Variants in C10orf90 observed in about 807,000 individuals in gnomAD.
C10orf90 encodes the protein (E2-independent) E3 ubiquitin-conjugating enzyme FATS.
C10orf90 carries 56 observed loss-of-function variants against 62.5 expected under a neutral mutation model. The observed-to-expected ratio is 0.90, with a 90% CI of 0.72 to 1.12. C10orf90 has a LOEUF of 1.12. C10orf90 is among the 50% of genes most tolerant of loss of function. The probability of loss-of-function intolerance (pLI) is 0.00; values close to 1 mark genes in which losing one functional copy is unlikely to be tolerated. For synonymous variants in C10orf90, 386 were observed against 340.4 expected (o/e 1.13, Z -1.47); for missense variants, 970 against 880.4 (o/e 1.10, Z -1.29).
chr10:126,444,804 G>A (rs2134041331), intron 7 of C10orf90, among the ~76,000 whole-genome samples: 1 of 152,030 alleles, frequency 6.6e-6, no homozygotes, highest in East Asian at 1.9e-4. Flanking sequence ...AAACAGCATG[G>A]TACTGGTATA....
At chr10:126,561,680 A>G (rs111839982) in intron 2 of C10orf90, among the ~76,000 whole-genome samples, 1,720 of 152,180 alleles carry the variant, frequency 0.011, 52 homozygotes, top group African/African-American at 0.04. Context: ...CAAATTAAAC[A>G]AGGGACTCTC....
rs1564811005 is a variant in C10orf90, at chr10:126,464,780, GA to G, written c.1740del (p.Pro581LeufsTer22). 6.8e-6 allele frequency: 11 copies of G among 1,613,914 alleles called. No individual in the cohort carries two copies. The highest frequency in any genetic ancestry group is 8.5e-6 in the Non-Finnish European group (10 of 1,179,982). ...HQSFLKPRIL[F>X]PGFLCPLQDV... ...TCTTGTAAGGGGCAAAGAAACCCAG[GA>G]AAAAGGATTCTGGGTTTCAGGAAGC... On this transcript the variant is annotated frameshift_variant, in exon 5 of 10. Coordinates refer to ENST00000488181, the MANE Select transcript of C10orf90 (RefSeq NM_001350921.2). LOFTEE classifies it high-confidence loss of function.
chr10:126,442,017 A>G (rs1378189771), intron 7 of C10orf90, among the ~76,000 whole-genome samples: 1 of 152,170 alleles, frequency 6.6e-6, no homozygotes. Flanking sequence ...GTACATAGGC[A>G]ATAAACAGCA....
chr10:126,597,777 T>G (rs1024628236), intron 2 of C10orf90, among the ~76,000 whole-genome samples: 4 of 152,186 alleles, frequency 2.6e-5, no homozygotes, highest in African/African-American at 9.7e-5. Context: ...TTCATCTTCT[T>G]AGTTTCCACC....
At chr10:126,535,128 T>C (rs1454017322) in intron 2 of C10orf90, among the ~76,000 whole-genome samples, 3 of 152,120 alleles carry the variant, frequency 2.0e-5, no homozygotes, top group Admixed American at 1.3e-4. Context: ...TAAATATATA[T>C]ACATACACAC....
At chr10:126,489,650 T>C (rs1032060761) in intron 4 of C10orf90, among the ~76,000 whole-genome samples, 2 of 151,996 alleles carry the variant, frequency 1.3e-5, no homozygotes, top group Non-Finnish European at 2.9e-5. Context: ...GCAACCACTA[T>C]GGAAAACAGA....
rs764514876 is a variant in C10orf90, at chr10:126,513,897, A to C, written c.356T>G (p.Leu119Arg). 6.2e-6 allele frequency: 10 copies of C among 1,613,284 alleles called. No homozygotes were observed. The East Asian group carries it at 2.0e-4, about 32-fold the overall frequency. Residue 119 changes from leucine (L) to arginine (R), a missense_variant, in exon 3 of 10, where the codon CTT becomes CGT. Coordinates refer to ENST00000488181, the MANE Select transcript of C10orf90 (RefSeq NM_001350921.2). ...TGTGACATCAGACTGGAGATTTTTA[A>C]GGGCAATTTGATCTCTTCTACTGTG... ...SYHSRRDQIALKNLQSDVTEA... is the reference protein window; with the variant it reads ...SYHSRRDQIARKNLQSDVTEA...
intron 2 of C10orf90, among the ~76,000 whole-genome samples, chr10:126,533,970 C>G (rs1237083215): frequency 6.6e-6 from 1 of 152,156 alleles, no homozygotes; most frequent in East Asian, 1.9e-4. Flanking sequence ...ACCAGGAACC[C>G]CGTGCAAGCT....
At chr10:126,667,055 T>C (rs767101377) in intron 1 of C10orf90, among the ~76,000 whole-genome samples, 2 of 150,898 alleles carry the variant, frequency 1.3e-5, no homozygotes, top group Non-Finnish European at 2.9e-5. Context: ...TTTTTTTGTT[T>C]GTTTTGTTTT....
intron 4 of C10orf90, among the ~76,000 whole-genome samples, chr10:126,479,361 C>T (rs1237972456): frequency 2.6e-5 from 4 of 152,206 alleles, no homozygotes; most frequent in African/African-American, 9.7e-5. Flanking sequence ...CTGGTATACA[C>T]TTTGGAGTTG....
chr10:126,576,024 T>C (rs1204235367), intron 2 of C10orf90, among the ~76,000 whole-genome samples: 1 of 152,002 alleles, frequency 6.6e-6, no homozygotes, highest in African/African-American at 2.4e-5. Flanking sequence ...AAAGATTTAA[T>C]GAATAAGACC....
intron 4 of C10orf90, among the ~76,000 whole-genome samples, chr10:126,486,411 A>G (rs1373469670): frequency 6.6e-6 from 1 of 152,226 alleles, no homozygotes; most frequent in Non-Finnish European, 1.5e-5. Context: ...GTAACAATAT[A>G]TATGGACCAG....
chr10:126,464,502 C>T (rs1860168426), intron 5 of C10orf90, among the ~76,000 whole-genome samples, 194 bp downstream of exon 5: 2 of 152,196 alleles, frequency 1.3e-5, no homozygotes, highest in African/African-American at 4.8e-5. Flanking sequence ...CCCCGACCCA[C>T]ATAGGGCTGC....
intron 3 of C10orf90, among the ~76,000 whole-genome samples, chr10:126,507,129 G>A (rs1050321307): frequency 2.6e-5 from 4 of 152,070 alleles, no homozygotes; most frequent in African/African-American, 7.2e-5. Flanking sequence ...AGGCCAAGGC[G>A]GGTGGATCAT....
At chr10:126,593,375 T>C (rs1264196772) in intron 2 of C10orf90, among the ~76,000 whole-genome samples, 3 of 152,212 alleles carry the variant, frequency 2.0e-5, no homozygotes, top group South Asian at 4.1e-4. Flanking sequence ...AACAAAATCA[T>C]GTCCTTTGCA....
intron 3 of C10orf90, among the ~76,000 whole-genome samples, chr10:126,513,078 T>C (rs941858815): frequency 6.6e-6 from 1 of 152,242 alleles, no homozygotes; most frequent in African/African-American, 2.4e-5. Context: ...AATCTCCATC[T>C]GTGACAGATA....
chr10:126,621,463 T>A (rs1008683908), intron 2 of C10orf90, among the ~76,000 whole-genome samples: 2 of 152,238 alleles, frequency 1.3e-5, no homozygotes, highest in African/African-American at 4.8e-5. Context: ...TCTCTTCATA[T>A]CGTTGGTGGC....
intron 2 of C10orf90, among the ~76,000 whole-genome samples, chr10:126,570,125 C>T (rs1463798386): frequency 2.0e-5 from 3 of 152,186 alleles, no homozygotes; most frequent in Admixed American, 6.5e-5. Context: ...CTGCGCTGAT[C>T]GTATTCTCCC....
chr10:126,475,993 C>T (rs1226733733), intron 4 of C10orf90, among the ~76,000 whole-genome samples: 2 of 152,138 alleles, frequency 1.3e-5, no homozygotes, highest in Non-Finnish European at 2.9e-5. Context: ...AGGCTTACCT[C>T]GCACAAAATA....
Sources: gnomAD v4.1 joint callset for allele counts (sites outside exome capture counted in the v4.1 genomes callset) on GRCh38, gnomAD v4.1.1 for gene constraint, MANE v1.5 for transcripts, NCBI Gene and HGNC (gene_info 2026-07-23, HGNC 2026-07-21) for gene names.